The following CLDN10 variants were observed in gnomAD, a reference collection of about 807,000 sequenced individuals.
CLDN10 encodes the protein claudin 10.
Under a neutral mutation model 22.9 loss-of-function variants are expected in CLDN10, and 15 were observed. The observed-to-expected ratio is 0.65, with a 90% CI of 0.44 to 1.01. The LOEUF is 1.01. Among genes scored for constraint, CLDN10 ranks in the 50% least tolerant of loss-of-function variants. The pLI, the probability that CLDN10 is intolerant of heterozygous loss-of-function variation, is 0.00. For missense variants in CLDN10, 247 were observed against 287.8 expected, an observed-to-expected ratio of 0.86 and a Z score of 1.03; for synonymous variants, 114 against 111.4, an observed-to-expected ratio of 1.02 and a Z score of -0.15.
chr13:95,502,083 C>T (rs2138540701), intron 1 of CLDN10, among the ~76,000 whole-genome samples: 1 of 152,268 alleles, frequency 6.6e-6, no homozygotes, highest in Middle Eastern at 3.4e-3. Flanking sequence ...GCCCCCACAC[C>T]CAATCCTTTA....
chr13:95,538,671 T>C (rs913749627), intron 1 of CLDN10, among the ~76,000 whole-genome samples: 5 of 152,164 alleles, frequency 3.3e-5, no homozygotes, highest in Non-Finnish European at 7.4e-5. Flanking sequence ...TCTCTTCTTC[T>C]ATAGGGTAGA....
At chr13:95,463,324 A>ATATATATTTT (rs1594535848) in intron 1 of CLDN10, among the ~76,000 whole-genome samples, 1 of 69,322 alleles carries the variant, frequency 1.4e-5, no homozygotes, top group Non-Finnish European at 2.5e-5. Flanking sequence ...ATATATATAT[A>ATATATATTTT]TTTGCCTTTT....
intron 1 of CLDN10, among the ~76,000 whole-genome samples, chr13:95,474,839 G>A (rs2042669579): frequency 6.6e-6 from 1 of 152,118 alleles, no homozygotes; most frequent in Non-Finnish European, 1.5e-5. Flanking sequence ...GGAAGATGGG[G>A]GTGGGGCAGG....
rs548054311 is a variant in CLDN10 at position 95,487,854 on chromosome 13, T to A, written c.214+53807T>A. ...CATGCCTGGCTAATTTTAAAAAATT[T>A]TTTTGTAGAGACAGGGTCTCACAGT... On this transcript the variant is annotated intron_variant, in intron 1 of 4. Coordinates refer to the CLDN10 transcript ENST00000376873. Among the ~76,000 whole-genome samples the A allele has an allele frequency of 2.7e-4, 41 of 152,110 alleles. No individual in the cohort carries two copies. In the East Asian group the frequency reaches 8.0e-3, roughly 30 times the overall value.
chr13:95,466,979 C>A (rs1218605575), intron 1 of CLDN10, among the ~76,000 whole-genome samples: 1 of 150,164 alleles, frequency 6.7e-6, no homozygotes, highest in Non-Finnish European at 1.5e-5. Flanking sequence ...TTGGTTCATG[C>A]CATTCTCCTG....
At chr13:95,540,497 T>A (rs2043449276) in intron 1 of CLDN10, among the ~76,000 whole-genome samples, 1 of 151,616 alleles carries the variant, frequency 6.6e-6, no homozygotes, top group East Asian at 1.9e-4. Flanking sequence ...AGACTCTGTC[T>A]CAAAAAAAAA....
chr13:95,529,343 G>T (rs9556487), intron 1 of CLDN10, among the ~76,000 whole-genome samples: 146,496 of 152,256 alleles, frequency 0.96, 70,725 homozygotes, highest in East Asian at 1. Context: ...GATACTTCTA[G>T]TTAGGAGTAA....
intron 1 of CLDN10, among the ~76,000 whole-genome samples, chr13:95,545,770 G>A (rs2043502504): frequency 6.6e-6 from 1 of 152,126 alleles, no homozygotes; most frequent in African/African-American, 2.4e-5. Flanking sequence ...AGCGTCCACA[G>A]CACAGTAAAT....
intron 1 of CLDN10, among the ~76,000 whole-genome samples, chr13:95,458,140 AAC>A (rs1469494148): frequency 6.6e-6 from 1 of 152,192 alleles, no homozygotes; most frequent in African/African-American, 2.4e-5. Flanking sequence ...TCATGGCAAA[AAC>A]ACAGCAAAAC....
intron 1 of CLDN10, among the ~76,000 whole-genome samples, chr13:95,537,848 C>T (rs1213782012): frequency 6.6e-6 from 1 of 152,210 alleles, no homozygotes; most frequent in Non-Finnish European, 1.5e-5. Context: ...TGGCTTCCAG[C>T]CCCTAAAAGT....
intron 1 of CLDN10, among the ~76,000 whole-genome samples, chr13:95,440,919 T>C (rs556661370): frequency 6.6e-6 from 1 of 152,232 alleles, no homozygotes; most frequent in African/African-American, 2.4e-5. Context: ...ACGACTGGAC[T>C]GGGGATCCTA....
intron 1 of CLDN10, among the ~76,000 whole-genome samples, chr13:95,439,659 T>C (rs1299843941): frequency 6.6e-6 from 1 of 151,846 alleles, no homozygotes; most frequent in East Asian, 2.0e-4. Flanking sequence ...ATAACAGCAC[T>C]AATCCTATTC....
intron 1 of CLDN10, among the ~76,000 whole-genome samples, chr13:95,507,644 A>T (rs2043052419): frequency 6.6e-6 from 1 of 150,786 alleles, no homozygotes; most frequent in Non-Finnish European, 1.5e-5. Flanking sequence ...TTTTTTTGAG[A>T]CAGAGTTCTG....
chr13:95,552,699 G>C (rs1437413825), upstream of CLDN10: 147 of 1,539,310 alleles, frequency 9.5e-5, no homozygotes, highest in East Asian at 3.2e-3. Context: ...TTGGGAGTGC[G>C]GGGGTCGCGG....
At chr13:95,465,008 G>T (rs532921041) in intron 1 of CLDN10, among the ~76,000 whole-genome samples, 4 of 152,202 alleles carry the variant, frequency 2.6e-5, no homozygotes, top group African/African-American at 7.2e-5. Flanking sequence ...GTAACAGGTT[G>T]TATTAGTCCA....
chr13:95,568,356 T>C (rs2043810957), intron 3 of CLDN10, among the ~76,000 whole-genome samples: 1 of 152,228 alleles, frequency 6.6e-6, no homozygotes. Flanking sequence ...ATTACTTAGA[T>C]GCTTTTGTTA....
At chr13:95,543,701 G>A (rs2043481673) in intron 1 of CLDN10, among the ~76,000 whole-genome samples, 1 of 151,796 alleles carries the variant, frequency 6.6e-6, no homozygotes, top group Admixed American at 6.6e-5. Context: ...AATGCAGCAT[G>A]TTTTTCTATT....
intron 1 of CLDN10, among the ~76,000 whole-genome samples, chr13:95,498,915 C>A (rs969406771): frequency 2.0e-5 from 3 of 152,192 alleles, no homozygotes; most frequent in Admixed American, 6.5e-5. Context: ...AACCACCGTT[C>A]TATTTTCTGT....
At chr13:95,514,634 G>A (rs1401885868) in intron 1 of CLDN10, among the ~76,000 whole-genome samples, 1 of 152,180 alleles carries the variant, frequency 6.6e-6, no homozygotes, top group Non-Finnish European at 1.5e-5. Flanking sequence ...GCACTTGTCA[G>A]CAGGTGAGAG....
Sources: allele counts gnomAD v4.1 joint callset (sites outside exome capture counted in the v4.1 genomes callset), GRCh38; gene constraint gnomAD v4.1.1; transcripts MANE v1.5; gene names NCBI Gene and HGNC (gene_info 2026-07-23, HGNC 2026-07-21).